The following NPY2R variants were observed in gnomAD, a reference collection of about 807,000 sequenced individuals.
NPY2R encodes the protein neuropeptide Y receptor Y2.
Under a neutral mutation model 22.3 loss-of-function variants are expected in NPY2R, and 17 were observed. That is an observed-to-expected ratio of 0.76 (90% CI 0.52 to 1.14). The LOEUF (loss-of-function observed/expected upper bound fraction) is 1.14, where lower values mean the gene tolerates loss of function less well. Among genes scored for constraint, NPY2R ranks in the 50% most tolerant of loss-of-function variants. The pLI is 0.00. For synonymous variants in NPY2R, 209 were observed against 183.4 expected (o/e 1.14, Z -1.13); for missense variants, 424 against 467.9 (o/e 0.91, Z 0.87).
At chr4:155,177,301 C>G in the NPY2R span, among the ~76,000 whole-genome samples, 1 of 152,072 alleles carries the variant, frequency 6.6e-6, no homozygotes, top group South Asian at 2.1e-4. Flanking sequence ...TTATATGCTC[C>G]CAAAATACAA....
At chr4:155,211,907 C>T (rs1729412106) in intron 1 of NPY2R, among the ~76,000 whole-genome samples, 1 of 152,190 alleles carries the variant, frequency 6.6e-6, no homozygotes, top group South Asian at 2.1e-4. Flanking sequence ...CTGCCAAGAG[C>T]AGAGAGGGAG....
intron 1 of NPY2R, among the ~76,000 whole-genome samples, chr4:155,210,070 A>T (rs1729371126): frequency 6.6e-6 from 1 of 152,216 alleles, no homozygotes; most frequent in East Asian, 1.9e-4. Flanking sequence ...AATGTCTTAA[A>T]GTAATGTAAA....
chr4:155,180,992 G>C, the NPY2R span, among the ~76,000 whole-genome samples: 1 of 151,868 alleles, frequency 6.6e-6, no homozygotes, highest in Non-Finnish European at 1.5e-5. Context: ...GTGAGCAACT[G>C]TTAGTAAAGT....
chr4:155,200,169 C>T, the NPY2R span, among the ~76,000 whole-genome samples: 16 of 152,006 alleles, frequency 1.1e-4, no homozygotes, highest in Non-Finnish European at 2.1e-4. Flanking sequence ...AACAAACAAC[C>T]CCATAAAGAA....
chr4:155,209,363 C>T (rs1729354527), intron 1 of NPY2R, among the ~76,000 whole-genome samples: 1 of 152,152 alleles, frequency 6.6e-6, no homozygotes, highest in Non-Finnish European at 1.5e-5. Context: ...CTTTAAAAAT[C>T]AAACACTTGT....
chr4:155,188,890 C>T, the NPY2R span, among the ~76,000 whole-genome samples: 182 of 152,178 alleles, frequency 1.2e-3, no homozygotes, highest in African/African-American at 4.0e-3. Flanking sequence ...TCCAGAAACT[C>T]TGAGATAATA....
In NPY2R at chr4:155,215,650, A is replaced by C. The variant is rs571411719; in HGVS notation, c.*565A>C. The C allele has an allele frequency of 5.7e-6, 1 of 174,162 alleles. No homozygotes were observed. Among genetic ancestry groups the C allele is most frequent in the African/African-American group, 2.4e-5 (1 of 41,612 alleles). 10.8% of individuals were successfully genotyped at this position (174,162 alleles called of 1,614,324 possible). On this transcript the variant is annotated 3_prime_UTR_variant, in exon 2 of 2. Coordinates refer to ENST00000329476, the MANE Select transcript of NPY2R (RefSeq NM_000910.4). The stretch of plus-strand genomic sequence containing the variant: ...TATACGAATGGCTTCGAGGAGATAA[A>C]CTGAAATTTGCTATATAATTAATAT...
At chr4:155,193,799 G>T in the NPY2R span, among the ~76,000 whole-genome samples, 6 of 151,952 alleles carry the variant, frequency 3.9e-5, no homozygotes, top group Non-Finnish European at 5.9e-5. Context: ...ACATCTGTGT[G>T]TAAGAGGCAC....
At chr4:155,204,107 T>G (rs547194085), upstream of NPY2R, among the ~76,000 whole-genome samples, 2 of 152,136 alleles carry the variant, frequency 1.3e-5, no homozygotes, top group Non-Finnish European at 2.9e-5. Flanking sequence ...CCAGCGGAAC[T>G]GCACCACTTT....
the NPY2R span, among the ~76,000 whole-genome samples, chr4:155,200,326 G>A: frequency 3.0e-4 from 45 of 152,286 alleles, no homozygotes; most frequent in Middle Eastern, 3.4e-3. Context: ...ATGTCAGTCA[G>A]AATGGTGATT....
the NPY2R span, among the ~76,000 whole-genome samples, chr4:155,187,274 G>A: frequency 1.3e-5 from 2 of 152,108 alleles, no homozygotes; most frequent in African/African-American, 4.8e-5. Flanking sequence ...TGATTTGTGT[G>A]AACAGATAGA....
chr4:155,187,074 T>C, the NPY2R span, among the ~76,000 whole-genome samples: 1 of 152,172 alleles, frequency 6.6e-6, no homozygotes, highest in Admixed American at 6.6e-5. Context: ...ATCTAATTAA[T>C]TGGAACCTAA....
upstream of NPY2R, among the ~76,000 whole-genome samples, chr4:155,204,333 T>C (rs899391152): frequency 1.7e-4 from 26 of 152,340 alleles, no homozygotes; most frequent in African/African-American, 6.3e-4. Context: ...CTTCCCCACC[T>C]GGGGCCACTG....
the NPY2R span, among the ~76,000 whole-genome samples, chr4:155,174,484 A>ATATATATATATATTTTTTTT: frequency 8.5e-5 from 9 of 106,068 alleles, 1 homozygote; most frequent in African/African-American, 4.1e-4. Flanking sequence ...ATATATATAT[A>ATATATATATATATTTTTTTT]TTTTTTTTTT....
At position 155,214,006 on chromosome 4, in the gene NPY2R, G is replaced by C. The variant is rs1189039963; in HGVS notation, c.67G>C (p.Gly23Arg). 6.2e-7 allele frequency: 1 copy of C among 1,613,908 alleles called. No homozygotes were observed. Among genetic ancestry groups the C allele is most frequent in the Admixed American group, 1.7e-5 (1 of 59,986 alleles). The change falls in exon 2 of 2, where the codon GGG becomes CGG. Residue 23 changes from glycine to arginine, a missense_variant. Gly to Arg is a moderately radical substitution (Grantham distance 125, BLOSUM62 -2). Transcript: ENST00000329476. Reference protein sequence around the residue: ...TVEEMKVEQYGPQTTPRGELV... With the variant: ...TVEEMKVEQYRPQTTPRGELV... ...GGAAGAAATGAAGGTGGAACAATAC[G>C]GGCCACAAACAACTCCTAGAGGTGA...
the NPY2R span, among the ~76,000 whole-genome samples, chr4:155,195,222 A>G: frequency 4.6e-5 from 7 of 152,086 alleles, no homozygotes; most frequent in Admixed American, 4.6e-4. Context: ...AATAATTCAG[A>G]TGACATTCTC....
At chr4:155,207,331 A>G (rs922977887), upstream of NPY2R, 2 of 152,362 alleles carry the variant, frequency 1.3e-5, no homozygotes, top group Non-Finnish European at 2.9e-5. Context: ...GAGTAGCGGA[A>G]TCTAATCTTA....
the NPY2R span, among the ~76,000 whole-genome samples, chr4:155,189,023 C>A: frequency 6.6e-6 from 1 of 152,046 alleles, no homozygotes; most frequent in Admixed American, 6.6e-5. Context: ...GACCAGAGAC[C>A]TGCAGAGCTT....
the NPY2R span, among the ~76,000 whole-genome samples, chr4:155,185,401 G>C: frequency 6.6e-6 from 1 of 152,058 alleles, no homozygotes; most frequent in Non-Finnish European, 1.5e-5. Flanking sequence ...TATTATGATA[G>C]TGAGGTCATT....
Sources: gnomAD v4.1 joint callset for allele counts (sites outside exome capture counted in the v4.1 genomes callset) on GRCh38, gnomAD v4.1.1 for gene constraint, MANE v1.5 for transcripts, NCBI Gene and HGNC (gene_info 2026-07-23, HGNC 2026-07-21) for gene names.